Variants in ATXN8OS observed in about 807,000 individuals in gnomAD.
ATXN8OS encodes the protein ATXN8 opposite strand lncRNA.
intron 3 of ATXN8OS, among the ~76,000 whole-genome samples, chr13:70,137,830 A>C (rs2137488737): frequency 6.6e-6 from 1 of 152,308 alleles, no homozygotes; most frequent in African/African-American, 2.4e-5. Flanking sequence ...AGACTGGATA[A>C]TTTATGAAAA....
chr13:70,131,154 A>T (rs775173561), intron 3 of ATXN8OS: 1 of 398,520 alleles, frequency 2.5e-6, no homozygotes, highest in Non-Finnish European at 4.4e-6. Context: ...ATAAGCAGGA[A>T]TGGTGTCCTA....
chr13:70,167,694 C>A (rs1021080957), intron 4 of ATXN8OS, among the ~76,000 whole-genome samples: 1 of 141,672 alleles, frequency 7.1e-6, no homozygotes, highest in Non-Finnish European at 1.5e-5. Context: ...TCAGAAAGAG[C>A]GAAAATACTA....
rs577103288 is a variant in ATXN8OS, at chr13:70,165,775, G to T, written n.574-3978G>T. On this transcript the variant is annotated intron_variant and non_coding_transcript_variant, in intron 4 of 4. Transcript: ENST00000678624. ...AACCAAAACTTCATTCAACTTGGAA[G>T]ATAACGGAAGATATGTGGAAATATT... Among the ~76,000 whole-genome samples, 67 of 152,012 alleles carry T rather than the reference G, an allele frequency of 4.4e-4. 3 individuals carry two copies. The South Asian group carries it at 0.013, about 31-fold the overall frequency.
chr13:70,116,665 T>C (rs577563780), intron 2 of ATXN8OS, among the ~76,000 whole-genome samples: 4 of 152,256 alleles, frequency 2.6e-5, no homozygotes, highest in African/African-American at 7.2e-5. Flanking sequence ...ATTTGGAGCA[T>C]TGGAGTGATA....
chr13:70,166,860 T>C (rs958616494), intron 4 of ATXN8OS, among the ~76,000 whole-genome samples: 18 of 151,800 alleles, frequency 1.2e-4, no homozygotes, highest in Middle Eastern at 6.8e-3. Context: ...GCAAAGGATA[T>C]AAACAGACAC....
chr13:70,166,520 T>C (rs1889077639), intron 4 of ATXN8OS, among the ~76,000 whole-genome samples: 1 of 151,978 alleles, frequency 6.6e-6, no homozygotes, highest in African/African-American at 2.4e-5. Flanking sequence ...TAATTCAAGA[T>C]GGATTAAAGA....
chr13:70,124,424 T>C (rs775760439), intron 2 of ATXN8OS, among the ~76,000 whole-genome samples: 1 of 152,034 alleles, frequency 6.6e-6, no homozygotes, highest in Non-Finnish European at 1.5e-5. Context: ...TTAGATACTA[T>C]GGTTAGAGAA....
chr13:70,107,605 G>T, upstream of ATXN8OS: 3 of 1,594,142 alleles, frequency 1.9e-6, no homozygotes, highest in Non-Finnish European at 2.6e-6. Flanking sequence ...TCCCCCCGCC[G>T]GGCCGCCGGT....
chr13:70,113,362 G>A (rs1343777083), intron 1 of ATXN8OS, among the ~76,000 whole-genome samples: 1 of 152,046 alleles, frequency 6.6e-6, no homozygotes. Flanking sequence ...TTTCTAATGA[G>A]TAAAACACAT....
At chr13:70,163,444 A>G (rs1889034857) in intron 4 of ATXN8OS, among the ~76,000 whole-genome samples, 1 of 152,042 alleles carries the variant, frequency 6.6e-6, no homozygotes, top group African/African-American at 2.4e-5. Context: ...CATACTTAGT[A>G]GGTATTGTAA....
intron 3 of ATXN8OS, chr13:70,129,976 T>C: frequency 5.0e-6 from 2 of 396,740 alleles, no homozygotes; most frequent in African/African-American, 4.1e-5. Context: ...GTGGATCAAC[T>C]ACATGTTAGT....
At chr13:70,169,833 C>T (rs1387565820) in exon 5 of ATXN8OS, among the ~76,000 whole-genome samples, 1 of 152,084 alleles carries the variant, frequency 6.6e-6, no homozygotes, top group African/African-American at 2.4e-5. Flanking sequence ...AGATTAAGTC[C>T]TGGTCCTTGC....
chr13:70,156,607 CT>C (rs1223503296), intron 4 of ATXN8OS, among the ~76,000 whole-genome samples: 2 of 151,660 alleles, frequency 1.3e-5, no homozygotes, highest in African/African-American at 4.8e-5. Flanking sequence ...ACACGTTACT[CT>C]TTTTTTTGAA....
intron 1 of ATXN8OS, among the ~76,000 whole-genome samples, chr13:70,112,919 A>ATATATAT (rs3072593): frequency 0.13 from 15,956 of 121,466 alleles, 1,394 homozygotes; most frequent in East Asian, 0.19. Flanking sequence ...TTATATATAT[A>ATATATAT]ATTTTTTTTT....
At chr13:70,135,876 A>T (rs527820013) in intron 3 of ATXN8OS, among the ~76,000 whole-genome samples, 2 of 152,220 alleles carry the variant, frequency 1.3e-5, no homozygotes, top group African/African-American at 4.8e-5. Context: ...TAAATGGATG[A>T]TTTTCAAATA....
chr13:70,159,492 C>T (rs1007531386), intron 4 of ATXN8OS, among the ~76,000 whole-genome samples: 8 of 151,804 alleles, frequency 5.3e-5, no homozygotes, highest in African/African-American at 1.7e-4. Context: ...TTTTCTTTAT[C>T]GAATTGAATT....
At chr13:70,120,628 T>C (rs115186285) in intron 2 of ATXN8OS, among the ~76,000 whole-genome samples, 4 of 152,126 alleles carry the variant, frequency 2.6e-5, no homozygotes, top group South Asian at 2.1e-4. Context: ...ACAATAAAAA[T>C]AGCTCAATGT....
chr13:70,145,069 G>A lies in ATXN8OS; in HGVS notation n.500-2286G>A, dbSNP rs552357912. 1.8e-4 allele frequency among the ~76,000 whole-genome samples: 28 copies of A among 152,168 alleles called. No individual in the cohort carries two copies. In the South Asian group the frequency reaches 5.8e-3, roughly 32 times the overall value. On this transcript the variant is annotated intron_variant and non_coding_transcript_variant, in intron 3 of 4. Transcript: ENST00000678624. ...GATCCAGTTTCAGCTTTCTACATATGTCTAGACAGTTTTCCCAGCACCATT... is the reference window on the plus strand; with the variant it reads ...GATCCAGTTTCAGCTTTCTACATATATCTAGACAGTTTTCCCAGCACCATT...
intron 4 of ATXN8OS, among the ~76,000 whole-genome samples, chr13:70,160,497 T>C (rs1888994668): frequency 6.6e-6 from 1 of 151,672 alleles, no homozygotes; most frequent in Admixed American, 6.6e-5. Context: ...CTTTCAACGG[T>C]AATTAATTTG....
Sources: allele counts gnomAD v4.1 joint callset (sites outside exome capture counted in the v4.1 genomes callset), GRCh38; gene constraint gnomAD v4.1.1; transcripts MANE v1.5; gene names NCBI Gene and HGNC (gene_info 2026-07-23, HGNC 2026-07-21).